Variants in SGCZ observed in about 807,000 individuals in gnomAD.
SGCZ encodes the protein sarcoglycan zeta.
In SGCZ, 40 loss-of-function variants were observed where a neutral mutation model predicts 41.3. That is an observed-to-expected ratio of 0.97 (90% CI 0.75 to 1.26). SGCZ has a LOEUF of 1.26. Among genes scored for constraint, SGCZ ranks in the 50% most tolerant of loss-of-function variants. SGCZ has a pLI of 0.00. For missense variants in SGCZ, 552 were observed against 369.8 expected (o/e 1.49, Z -4.04); for synonymous variants, 206 against 137.5 (o/e 1.50, Z -3.49).
chr8:14,470,638 C>T (rs771901101), intron 2 of SGCZ, among the ~76,000 whole-genome samples: 10 of 151,978 alleles, frequency 6.6e-5, no homozygotes, highest in Non-Finnish European at 1.3e-4. Flanking sequence ...TCTGAGCACA[C>T]AATAAAGACT....
At chr8:15,029,128 C>T (rs964589471) in intron 1 of SGCZ, among the ~76,000 whole-genome samples, 9 of 151,930 alleles carry the variant, frequency 5.9e-5, no homozygotes, top group South Asian at 4.1e-4. Flanking sequence ...TAGCTAGATA[C>T]GCTATATATA....
intron 3 of SGCZ, among the ~76,000 whole-genome samples, chr8:14,261,723 C>T (rs560494673): frequency 3.9e-5 from 6 of 152,206 alleles, no homozygotes; most frequent in East Asian, 3.9e-4. Context: ...ACCATTCTCA[C>T]GCTGAAGATT....
intron 1 of SGCZ, among the ~76,000 whole-genome samples, chr8:14,759,050 A>G (rs1333017239): frequency 6.6e-6 from 1 of 152,052 alleles, no homozygotes; most frequent in Non-Finnish European, 1.5e-5. Context: ...ATTCCAAGTA[A>G]TATTTCAGTA....
chr8:14,860,706 AAG>A (rs144029185), intron 1 of SGCZ, among the ~76,000 whole-genome samples: 4 of 96,088 alleles, frequency 4.2e-5, no homozygotes, highest in South Asian at 3.4e-4. Context: ...GAAAGAAAGA[AAG>A]AGAAAGAAAG....
intron 1 of SGCZ, among the ~76,000 whole-genome samples, chr8:14,651,655 C>T (rs1807402298): frequency 6.6e-6 from 1 of 151,976 alleles, no homozygotes. Context: ...TTTTTATGCA[C>T]AAATTTTGTA....
chr8:14,557,018 CATA>C (rs560132296), intron 1 of SGCZ, among the ~76,000 whole-genome samples: 7 of 152,096 alleles, frequency 4.6e-5, no homozygotes, highest in Admixed American at 4.6e-4. Flanking sequence ...CACTATTTTC[CATA>C]ATGTTTGTAC....
At chr8:15,208,510 C>A (rs1250468874) in intron 1 of SGCZ, among the ~76,000 whole-genome samples, 1 of 152,002 alleles carries the variant, frequency 6.6e-6, no homozygotes, top group Non-Finnish European at 1.5e-5. Context: ...CACAGTATTA[C>A]AAAAATAGTG....
chr8:14,736,191 G>T (rs1001212581), intron 1 of SGCZ, among the ~76,000 whole-genome samples: 3 of 152,048 alleles, frequency 2.0e-5, no homozygotes, highest in Non-Finnish European at 4.4e-5. Flanking sequence ...GCCATGTTTT[G>T]TAGAGGTTCA....
chr8:14,935,147 T>A (rs1800043317), intron 1 of SGCZ, among the ~76,000 whole-genome samples: 1 of 151,746 alleles, frequency 6.6e-6, no homozygotes, highest in Non-Finnish European at 1.5e-5. Context: ...CAGGCTGATT[T>A]TGTTTTTTAA....
chr8:14,240,327 C>CAAAAA lies in SGCZ; in HGVS notation c.337-2653_337-2649dup, dbSNP rs59351247. 5.2e-4 allele frequency among the ~76,000 whole-genome samples: 60 copies of CAAAAA among 115,222 alleles called. 1 individual carries two copies. The highest frequency in any genetic ancestry group is 1.8e-3 in the African/African-American group (56 of 30,924). The allele number at this position is 115,222 out of a possible 152,430, so 75.6% of individuals were successfully genotyped here. A position where few individuals can be genotyped will look rare whatever the true frequency, so the allele number is the denominator to read the frequency against. On this transcript the variant is annotated intron_variant, in intron 3 of 7. Coordinates refer to ENST00000382080, the MANE Select transcript of SGCZ (RefSeq NM_139167.4). ...TGAGTGACAGAGCGAAACTCTGTGT[C>CAAAAA]AAAAAAAAAAAAAAAAAAAAAAAAA... is the stretch of plus-strand genomic sequence containing the variant.
At chr8:14,829,056 G>C (rs187342291) in intron 1 of SGCZ, among the ~76,000 whole-genome samples, 1 of 152,008 alleles carries the variant, frequency 6.6e-6, no homozygotes, top group Non-Finnish European at 1.5e-5. Context: ...GGGTACATGT[G>C]TCCCTGAAAC....
chr8:14,413,299 C>T (rs576405385), intron 2 of SGCZ, among the ~76,000 whole-genome samples: 3 of 151,950 alleles, frequency 2.0e-5, no homozygotes, highest in Non-Finnish European at 2.9e-5. Flanking sequence ...TCAGAACACA[C>T]GTTGTGTCAG....
chr8:14,794,994 C>A (rs529358079), intron 1 of SGCZ, among the ~76,000 whole-genome samples: 2 of 152,212 alleles, frequency 1.3e-5, no homozygotes, highest in East Asian at 1.9e-4. Context: ...ATAACTTTTC[C>A]GGTATCTCTT....
At chr8:14,540,097 C>G (rs1315028608) in intron 2 of SGCZ, among the ~76,000 whole-genome samples, 1 of 151,848 alleles carries the variant, frequency 6.6e-6, no homozygotes, top group Non-Finnish European at 1.5e-5. Flanking sequence ...ATAAACTAAT[C>G]TATCCTGGCA....
chr8:14,174,586 A>G (rs909877707), intron 4 of SGCZ, among the ~76,000 whole-genome samples: 2 of 152,128 alleles, frequency 1.3e-5, no homozygotes, highest in African/African-American at 4.8e-5. Flanking sequence ...AGCGCATCTT[A>G]GTGAATATGC....
chr8:14,739,406 C>T (rs1858248), intron 1 of SGCZ, among the ~76,000 whole-genome samples: 64,490 of 151,716 alleles, frequency 0.43, 14,765 homozygotes, highest in Non-Finnish European at 0.52. Flanking sequence ...TATCCACAAA[C>T]TTCATATGAT....
intron 5 of SGCZ, among the ~76,000 whole-genome samples, chr8:14,133,169 T>G (rs150617135): frequency 1.3e-5 from 2 of 152,318 alleles, no homozygotes; most frequent in African/African-American, 4.8e-5. Context: ...TCAGTTCTTT[T>G]GTGAACATGT....
intron 5 of SGCZ, among the ~76,000 whole-genome samples, chr8:14,119,560 G>C (rs1802633378): frequency 6.6e-6 from 1 of 151,954 alleles, no homozygotes; most frequent in African/African-American, 2.4e-5. Context: ...TCTTTCTTGT[G>C]TTCTGATTAT....
chr8:14,756,022 G>A lies in SGCZ; in HGVS notation c.40-201096C>T, dbSNP rs537025673. 3.9e-5 allele frequency among the ~76,000 whole-genome samples: 6 copies of A among 152,120 alleles called. No homozygotes were observed. The East Asian group carries it at 1.2e-3, about 29-fold the overall frequency. Reference sequence around the variant, plus strand: ...TATAAGATATTTTACTAAGAAGAGTGAAAAAACAAACTGTGCCTCGCCACT... The same window carrying A: ...TATAAGATATTTTACTAAGAAGAGTAAAAAAACAAACTGTGCCTCGCCACT... On this transcript the variant is annotated intron_variant, in intron 1 of 7. Coordinates refer to ENST00000382080, the MANE Select transcript of SGCZ (RefSeq NM_139167.4).
Sources: gnomAD v4.1 joint callset for allele counts (sites outside exome capture counted in the v4.1 genomes callset) on GRCh38, gnomAD v4.1.1 for gene constraint, MANE v1.5 for transcripts, NCBI Gene and HGNC (gene_info 2026-07-23, HGNC 2026-07-21) for gene names.